SLC12A3: variants seen among roughly 807,000 people sequenced by gnomAD.
SLC12A3 encodes solute carrier family 12 member 3, also known as Na-Cl cotransporter.
Under a neutral mutation model 121.0 loss-of-function variants are expected in SLC12A3, and 104 were observed. The observed-to-expected ratio is 0.86, with a 90% CI of 0.73 to 1.01. The LOEUF (loss-of-function observed/expected upper bound fraction) is 1.01, where lower values mean the gene tolerates loss of function less well. Among genes scored for constraint, SLC12A3 ranks in the 50% least tolerant of loss-of-function variants. The pLI, the probability that SLC12A3 is intolerant of heterozygous loss-of-function variation, is 0.00. For synonymous variants in SLC12A3, 536 were observed against 533.4 expected (o/e 1.00, Z -0.07); for missense variants, 1,328 against 1,356.3 (o/e 0.98, Z 0.33).
intron 18 of SLC12A3, among the ~76,000 whole-genome samples, chr16:56,889,476 T>C (rs1222560383): frequency 2.0e-5 from 3 of 152,040 alleles, no homozygotes; most frequent in Admixed American, 6.6e-5. Context: ...TCTTTAATTA[T>C]TTTATTTTAT....
Position 56,865,465 on chromosome 16 carries a change from G to A in SLC12A3, c.230G>A (p.Gly77Asp). The change falls in exon 1 of 26, where the codon GGT (glycine) becomes GAT (aspartate). Residue 77 changes from glycine to aspartate, a missense_variant. Transcript: ENST00000563236. ...YEHYANSTQP[G>D]EPRKVRPTLA... ...CACTATGCCAACAGCACCCAGCCTG[G>A]TGAGCCCCGGAAGGTCCGGCCCACA... 6.2e-7 allele frequency: 1 copy of A among 1,614,020 alleles called. No homozygotes were observed. The highest frequency in any genetic ancestry group is 1.1e-5 in the South Asian group (1 of 91,086).
At chr16:56,878,977 C>T in intron 9 of SLC12A3, 96 bp from the exon 10 acceptor site, 1 of 1,425,394 alleles carries the variant, frequency 7.0e-7, no homozygotes. Flanking sequence ...AGCTGCCCAT[C>T]ATCTGCAGCA....
intron 2 of SLC12A3, among the ~76,000 whole-genome samples, chr16:56,867,503 G>T (rs1302965466): frequency 1.3e-5 from 2 of 152,226 alleles, no homozygotes; most frequent in African/African-American, 4.8e-5. Flanking sequence ...TTGCTATAGT[G>T]AGGAGCAGGA....
In SLC12A3 at chr16:56,886,483, G is replaced by A. The variant is rs1327921531; in HGVS notation, c.2037+8G>A. The A allele has an allele frequency of 6.2e-7, 1 of 1,609,148 alleles. No homozygotes were observed. The highest frequency in any genetic ancestry group is 8.5e-7 in the Non-Finnish European group (1 of 1,175,820). On this transcript the variant is annotated splice_region_variant and intron_variant, in intron 16 of 25. Transcript: ENST00000563236. ...TGTGGCCACGTGCTCATCGTGAGTG[G>A]CCCCTGGAGGGGCACAGGGGACCAG...
chr16:56,882,554 GGGCATGGGGTGGGAGTGGGA>G, intron 13 of SLC12A3, 57 bp downstream of exon 13: 1 of 1,368,174 alleles, frequency 7.3e-7, no homozygotes, highest in Non-Finnish European at 1.0e-6. Context: ...GGAGGAACTG[GGGCATGGGGTGGGAGTGGGA>G]GGCATGGGTG....
At chr16:56,895,644 T>C (rs74446850) in intron 22 of SLC12A3, among the ~76,000 whole-genome samples, 16,303 of 152,050 alleles carry the variant, frequency 0.11, 973 homozygotes, top group Middle Eastern at 0.17. Context: ...CCCCAACCTT[T>C]TTGGCACCAG....
rs1386928934 is a variant in SLC12A3 at position 56,885,315 on chromosome 16, A to G, written c.1876A>G (p.Ser626Gly). ...VQAGSYNLALSYSVGLNEVED... is the reference protein window; with the variant it reads ...VQAGSYNLALGYSVGLNEVED... ...GGCTGGCTCCTACAACCTGGCCCTCAGCTACTCGGTGGGCCTCAATGAGGT... is the reference window on the plus strand; with the variant it reads ...GGCTGGCTCCTACAACCTGGCCCTCGGCTACTCGGTGGGCCTCAATGAGGT... The change falls in exon 15 of 26, where the codon AGC becomes GGC. Residue 626 changes from serine to glycine, a missense_variant. Physicochemically the swap from Ser to Gly is moderately conservative, Grantham distance 56. Transcript: ENST00000563236. The G allele has an allele frequency of 4.5e-5, 70 of 1,555,992 alleles. No homozygotes were observed. The highest frequency in any genetic ancestry group is 5.8e-5 in the Non-Finnish European group (67 of 1,149,450).
Position 56,865,245 on chromosome 16 carries a change from C to T in SLC12A3, c.10C>T (p.Leu4=), listed in dbSNP as rs752822591. 6.2e-6 allele frequency: 10 copies of T among 1,613,580 alleles called. No individual in the cohort carries two copies. The South Asian group carries it at 9.9e-5, about 16-fold the overall frequency. ...GGACACCCAGGCGACAATGGCAGAACTGCCCACAACAGAGACGCCTGGGGA... is the reference window on the plus strand; with the variant it reads ...GGACACCCAGGCGACAATGGCAGAATTGCCCACAACAGAGACGCCTGGGGA... The part of the protein sequence containing the change: MAE[L]PTTETPGDAT... Residue 4 remains leucine (L), a synonymous_variant, in exon 1 of 26, where the codon CTG becomes TTG. Transcript: ENST00000563236.
At chr16:56,904,356 A>G (rs1596952602) in intron 24 of SLC12A3, 39 bp from the exon 25 acceptor site, 4 of 1,594,624 alleles carry the variant, frequency 2.5e-6, no homozygotes, top group Admixed American at 1.7e-5. Context: ...AGTGACCTCG[A>G]TGATATGGGA....
chr16:56,888,083 G>A, intron 18 of SLC12A3, 52 bp downstream of exon 18: 1 of 1,374,214 alleles, frequency 7.3e-7, no homozygotes, highest in Non-Finnish European at 1.0e-6. Flanking sequence ...GGGCCCATTG[G>A]GCCTTGAGAA....
intron 17 of SLC12A3, among the ~76,000 whole-genome samples, chr16:56,887,495 C>T (rs769162015): frequency 1.2e-4 from 18 of 151,664 alleles, no homozygotes; most frequent in Non-Finnish European, 2.6e-4. Flanking sequence ...GCATGAGCCA[C>T]CATGCCTGGC....
rs1359124932 is a variant in SLC12A3 at position 56,914,000 on chromosome 16, C to T, written c.*595C>T. 1 of 152,448 alleles carries T rather than the reference C, an allele frequency of 6.6e-6. No individual in the cohort carries two copies. The highest frequency in any genetic ancestry group is 2.4e-5 in the African/African-American group (1 of 41,554). The allele number at this position is 152,448 out of a possible 1,614,324, so 9.4% of individuals were successfully genotyped here. ...TGATCTCAGGTCACTGCAACCTCCT[C>T]CCGGGTTCAAGCATTTCTTCTGTCT... On this transcript the variant is annotated 3_prime_UTR_variant, in exon 26 of 26. Transcript: ENST00000563236.
intron 25 of SLC12A3, among the ~76,000 whole-genome samples, chr16:56,912,850 CAAAG>C (rs1212540653): frequency 8.6e-5 from 13 of 151,984 alleles, no homozygotes; most frequent in Non-Finnish European, 4.4e-5. Flanking sequence ...TTGCCTGACT[CAAAG>C]GAAGTGACCA....
intron 25 of SLC12A3, among the ~76,000 whole-genome samples, chr16:56,912,774 G>T (rs2144791824): frequency 6.6e-6 from 1 of 152,282 alleles, no homozygotes; most frequent in South Asian, 2.1e-4. Flanking sequence ...AGTAAAGTGG[G>T]GTGATGTGAG....
chr16:56,877,658 C>T (rs1199097403), intron 8 of SLC12A3, among the ~76,000 whole-genome samples: 1 of 152,192 alleles, frequency 6.6e-6, no homozygotes, highest in African/African-American at 2.4e-5. Flanking sequence ...GAGAGCACAG[C>T]CCCCTGCCCA....
In SLC12A3 at chr16:56,913,398, G is replaced by A. The variant is rs775004609; in HGVS notation, c.3059G>A (p.Cys1020Tyr). The A allele has an allele frequency of 6.2e-7, 1 of 1,614,172 alleles. No individual in the cohort carries two copies. ...CAGGAAAACGTGCTCACCTTTTACT[G>A]CCAGTAACTCCAGGCTTTGACATCC... ...GNQENVLTFY[C>Y]Q is the part of the protein sequence containing the mutation. Residue 1020 changes from cysteine (C) to tyrosine (Y), a missense_variant, in exon 26 of 26, where the codon TGC (cysteine) becomes TAC (tyrosine). Coordinates refer to ENST00000563236, the MANE Select transcript of SLC12A3 (RefSeq NM_001126108.2).
At chr16:56,870,406 C>A (rs1190257724) in intron 5 of SLC12A3, among the ~76,000 whole-genome samples, 171 bp downstream of exon 5, 1 of 152,256 alleles carries the variant, frequency 6.6e-6, no homozygotes, top group African/African-American at 2.4e-5. Context: ...AAGGCCATTG[C>A]TTTCCCACAA....
chr16:56,901,127 GAC>G (rs1221312084), intron 23 of SLC12A3, among the ~76,000 whole-genome samples: 1 of 152,122 alleles, frequency 6.6e-6, no homozygotes, highest in Admixed American at 6.5e-5. Context: ...TGGCTTCCAA[GAC>G]ACCCCTTCCA....
rs546232396 is a variant in SLC12A3, at chr16:56,898,234, T to C, written c.2634-1296T>C. On this transcript the variant is annotated intron_variant, in intron 22 of 25. Transcript: ENST00000563236. ...GGGGGGAGGGCCCAGGCAGGTGTATTTTTTTGTTAGTTTGATTTGGTTTTG... is the reference window on the plus strand; with the variant it reads ...GGGGGGAGGGCCCAGGCAGGTGTATCTTTTTGTTAGTTTGATTTGGTTTTG... Among the ~76,000 whole-genome samples, 11 of 151,006 alleles carry C rather than the reference T, an allele frequency of 7.3e-5. No homozygotes were observed. In the South Asian group the frequency reaches 2.3e-3, roughly 32 times the overall value.
Sources: allele counts gnomAD v4.1 joint callset (sites outside exome capture counted in the v4.1 genomes callset), GRCh38; gene constraint gnomAD v4.1.1; transcripts MANE v1.5; gene names NCBI Gene and HGNC (gene_info 2026-07-23, HGNC 2026-07-21).